Variants in ZNF518B observed in about 807,000 individuals in gnomAD.
ZNF518B encodes zinc finger protein 518B.
A neutral mutation model predicts 56.3 loss-of-function variants in ZNF518B; 23 were observed. The observed-to-expected ratio is 0.41, with a 90% confidence interval of 0.29 to 0.58. The LOEUF (loss-of-function observed/expected upper bound fraction) is 0.58, where lower values mean the gene tolerates loss of function less well. Among genes scored for constraint, ZNF518B ranks in the 20% least tolerant of loss-of-function variants. ZNF518B has a pLI of 0.32. For synonymous variants in ZNF518B, 529 were observed against 465.9 expected (o/e 1.14, Z -1.74); for missense variants, 1,460 against 1,272.1 (o/e 1.15, Z -2.25).
At chr4:10,458,213 GCACAATCAGTGACTCCC>G (rs549876331), upstream of ZNF518B, among the ~76,000 whole-genome samples, 1 of 152,262 alleles carries the variant, frequency 6.6e-6, no homozygotes, top group East Asian at 1.9e-4. Flanking sequence ...GCCAGGTCCC[GCACAATCAGTGACTCCC>G]CACAAAGTGA....
At position 10,443,293 on chromosome 4, in the gene ZNF518B, T is replaced by C. The variant is rs1485315672; in HGVS notation, c.3036A>G (p.Lys1012=). 3.1e-6 allele frequency: 5 copies of C among 1,613,998 alleles called. No homozygotes were observed. Among genetic ancestry groups the C allele is most frequent in the East Asian group, 2.2e-5 (1 of 44,888 alleles). Reference sequence around the variant, plus strand: ...AGTTGTTTTTATGAACTTTTTTGAGTTTCATTTTCAACATCATTTGCCTTT... The same window carrying C: ...AGTTGTTTTTATGAACTTTTTTGAGCTTCATTTTCAACATCATTTGCCTTT... ...QIKRQMMLKM[K]LKKVHKNNYQ... Residue 1012 remains lysine, a synonymous_variant, in exon 3 of 3, where the codon AAA becomes AAG. Coordinates refer to ENST00000326756, the MANE Select transcript of ZNF518B (RefSeq NM_053042.3).
At chr4:10,460,334 AAAAAC>A (rs1715709415), upstream of ZNF518B, among the ~76,000 whole-genome samples, 1 of 148,112 alleles carries the variant, frequency 6.8e-6, no homozygotes, top group East Asian at 2.0e-4. Flanking sequence ...CCAAAAAAAA[AAAAAC>A]CGACCATGTA....
chr4:10,448,365 C>T (rs1485103157), intron 2 of ZNF518B, among the ~76,000 whole-genome samples: 5 of 152,146 alleles, frequency 3.3e-5, no homozygotes, highest in East Asian at 1.9e-4. Context: ...AGACCGACGT[C>T]GGGGAGTTTA....
intron 2 of ZNF518B, chr4:10,454,305 T>C (rs1715441879): frequency 6.6e-6 from 1 of 152,156 alleles, no homozygotes; most frequent in Non-Finnish European, 1.5e-5. Context: ...GGTATCTACT[T>C]TGTAGATTCT....
chr4:10,445,907 C>G lies in ZNF518B; in HGVS notation c.422G>C (p.Arg141Pro). 6.2e-7 allele frequency: 1 copy of G among 1,614,174 alleles called. No individual in the cohort carries two copies. Among genetic ancestry groups the G allele is most frequent in the Non-Finnish European group, 8.5e-7 (1 of 1,180,028 alleles). Reference protein sequence around the residue: ...KPGKYYCDKCRFSTKDPLQYK... With the variant: ...KPGKYYCDKCPFSTKDPLQYK... ...CTGCAGCGGGTCCTTTGTAGAGAAT[C>G]GACATTTATCACAATAGTATTTGCC... The change falls in exon 3 of 3, where the codon CGA becomes CCA. Residue 141 changes from arginine (R) to proline (P), a missense_variant. Physicochemically the swap from Arg to Pro is moderately radical, Grantham distance 103. Coordinates refer to ENST00000326756, the MANE Select transcript of ZNF518B (RefSeq NM_053042.3).
upstream of ZNF518B, among the ~76,000 whole-genome samples, chr4:10,459,062 A>C (rs1211729853): frequency 6.6e-6 from 1 of 152,212 alleles, no homozygotes; most frequent in Non-Finnish European, 1.5e-5. Context: ...TCGGCCACAT[A>C]GAAGTTGTGA....
chr4:10,446,208 G>C lies in ZNF518B; in HGVS notation c.121C>G (p.Gln41Glu), dbSNP rs1343560735. Residue 41 changes from glutamine to glutamate, a missense_variant, in exon 3 of 3, where the codon CAA becomes GAA. Coordinates refer to ENST00000326756, the MANE Select transcript of ZNF518B (RefSeq NM_053042.3). ...TCTGAGCCTTGATACAAAAGGGTTT[G>C]TGCTTCTTGTCTATTTGGCCGAGGT... is the stretch of plus-strand genomic sequence containing the variant. ...GAPRPNRQEA[Q>E]TLLYQGSEAE... 1.2e-6 allele frequency: 2 copies of C among 1,614,188 alleles called. No homozygotes were observed. Among genetic ancestry groups the C allele is most frequent in the South Asian group, 2.2e-5 (2 of 91,078 alleles).
chr4:10,460,377 C>T (rs1273442094), upstream of ZNF518B, among the ~76,000 whole-genome samples: 1 of 146,660 alleles, frequency 6.8e-6, no homozygotes, highest in East Asian at 2.0e-4. Flanking sequence ...CAGGCACAGG[C>T]TGGTGCTGAG....
intron 2 of ZNF518B, chr4:10,451,924 G>A (rs562946155): frequency 6.6e-6 from 1 of 152,356 alleles, no homozygotes; most frequent in Admixed American, 6.5e-5. Context: ...TGTGATAAAT[G>A]TTAATGTGAA....
Position 10,444,668 on chromosome 4 carries a change from T to G in ZNF518B, c.1661A>C (p.Glu554Ala), listed in dbSNP as rs1714890084. 1 of 1,614,086 alleles carries G rather than the reference T, an allele frequency of 6.2e-7. No individual in the cohort carries two copies. ...GLLPVSENDL[E>A]STSKVNIPVK... is the part of the protein sequence containing the mutation. Reference sequence around the variant, plus strand: ...AGGAATATTGACTTTACTTGTAGATTCCAAGTCATTTTCACTTACAGGCAA... The same window carrying G: ...AGGAATATTGACTTTACTTGTAGATGCCAAGTCATTTTCACTTACAGGCAA... Residue 554 changes from glutamate to alanine, a missense_variant, in exon 3 of 3, where the codon GAA becomes GCA. Coordinates refer to ENST00000326756, the MANE Select transcript of ZNF518B (RefSeq NM_053042.3).
In ZNF518B at chr4:10,442,457, C is replaced by T. The variant is rs938419381; in HGVS notation, c.*647G>A. 5.9e-5 allele frequency: 9 copies of T among 152,186 alleles called. No homozygotes were observed. The highest frequency in any genetic ancestry group is 2.2e-4 in the African/African-American group (9 of 41,448). The allele number at this position is 152,186 out of a possible 1,614,324, so 9.4% of individuals were successfully genotyped here. A position where few individuals can be genotyped will look rare whatever the true frequency, so the allele number is the denominator to read the frequency against. ...TTTGAAAATGTTATCTTTCTTCTAACACTTGCTGTGAAAGGAGTAAATTCA... is the reference window on the plus strand; with the variant it reads ...TTTGAAAATGTTATCTTTCTTCTAATACTTGCTGTGAAAGGAGTAAATTCA... On this transcript the variant is annotated 3_prime_UTR_variant, in exon 3 of 3. Coordinates refer to ENST00000326756, the MANE Select transcript of ZNF518B (RefSeq NM_053042.3).
At chr4:10,446,664 G>A (rs545996096) in intron 2 of ZNF518B, 125 bp from the exon 3 acceptor site, 44 of 212,468 alleles carry the variant, frequency 2.1e-4, no homozygotes, top group Admixed American at 4.6e-4. Context: ...GATTTTAGAC[G>A]CATGTTATAA....
rs749679905 is a variant in ZNF518B, at chr4:10,443,064, T to C, written c.*40A>G. ...TTGGTGGAGGGACTCCAAACCAGAATAAACTAAAAGATAACTTGCTTTAAA... is the reference window on the plus strand; with the variant it reads ...TTGGTGGAGGGACTCCAAACCAGAACAAACTAAAAGATAACTTGCTTTAAA... On this transcript the variant is annotated 3_prime_UTR_variant, in exon 3 of 3. Coordinates refer to ENST00000326756, the MANE Select transcript of ZNF518B (RefSeq NM_053042.3). The C allele has an allele frequency of 6.4e-7, 1 of 1,557,636 alleles. No individual in the cohort carries two copies. The highest frequency in any genetic ancestry group is 8.7e-7 in the Non-Finnish European group (1 of 1,150,704).
chr4:10,446,353 C>T lies in ZNF518B; in HGVS notation c.-25G>A. 2 of 1,549,926 alleles carry T rather than the reference C, an allele frequency of 1.3e-6. No individual in the cohort carries two copies. The highest frequency in any genetic ancestry group is 1.7e-6 in the Non-Finnish European group (2 of 1,145,202). On this transcript the variant is annotated 5_prime_UTR_variant, in exon 3 of 3. Transcript: ENST00000326756. The stretch of plus-strand genomic sequence containing the variant: ...TCTTATCTGCATTTCTAAAAAGAGC[C>T]AACTAAAATTCAGAAAGTTTTCACA...
At chr4:10,456,024 T>A (rs1278127167) in intron 1 of ZNF518B, among the ~76,000 whole-genome samples, 1 of 152,092 alleles carries the variant, frequency 6.6e-6, no homozygotes, top group African/African-American at 2.4e-5. Context: ...ATTCCCATCC[T>A]CAGTCTCTGC....
intron 2 of ZNF518B, among the ~76,000 whole-genome samples, chr4:10,449,962 G>A (rs909377684): frequency 2.0e-5 from 3 of 152,136 alleles, no homozygotes; most frequent in African/African-American, 7.2e-5. Flanking sequence ...CAAAAGTTGG[G>A]GGCGGGAAGG....
At chr4:10,450,627 C>A (rs1364370734) in intron 2 of ZNF518B, among the ~76,000 whole-genome samples, 1 of 152,182 alleles carries the variant, frequency 6.6e-6, no homozygotes, top group East Asian at 1.9e-4. Flanking sequence ...AGTATACACA[C>A]CTGTGAAGCT....
chr4:10,445,167 C>G lies in ZNF518B; in HGVS notation c.1162G>C (p.Glu388Gln). The change falls in exon 3 of 3, where the codon GAG becomes CAG. Residue 388 changes from glutamate (E) to glutamine (Q), a missense_variant. Coordinates refer to ENST00000326756, the MANE Select transcript of ZNF518B (RefSeq NM_053042.3). The stretch of plus-strand genomic sequence containing the variant: ...TTTTCTTGTTCATTTGAACCCTTCT[C>G]TTTCACCATACGTTCAGAATTACCT... ...NGGNSERMVK[E>Q]KGSNEQEKVL... 6.2e-7 allele frequency: 1 copy of G among 1,614,228 alleles called. No individual in the cohort carries two copies. Among genetic ancestry groups the G allele is most frequent in the Non-Finnish European group, 8.5e-7 (1 of 1,180,042 alleles).
At chr4:10,453,328 T>G (rs111420973) in intron 2 of ZNF518B, 2 of 152,174 alleles carry the variant, frequency 1.3e-5, no homozygotes, top group Admixed American at 1.3e-4. Flanking sequence ...CAAATGAATC[T>G]GATGAGGCAA....
Sources: gnomAD v4.1 joint callset for allele counts (sites outside exome capture counted in the v4.1 genomes callset) on GRCh38, gnomAD v4.1.1 for gene constraint, MANE v1.5 for transcripts, NCBI Gene and HGNC (gene_info 2026-07-23, HGNC 2026-07-21) for gene names.